The following ADGRG1 variants were observed in gnomAD, a reference collection of about 807,000 sequenced individuals.
ADGRG1 encodes the protein adhesion G protein-coupled receptor G1.
In ADGRG1, 53 loss-of-function variants were observed where a neutral mutation model predicts 73.5. That is an observed-to-expected ratio of 0.72 (90% confidence interval 0.58 to 0.91). ADGRG1 has a LOEUF of 0.91. Among genes scored for constraint, ADGRG1 ranks in the 40% least tolerant of loss-of-function variants. The pLI is 0.00. For synonymous variants in ADGRG1, 394 were observed against 374.4 expected, an observed-to-expected ratio of 1.05 and a Z score of -0.60; for missense variants, 795 against 871.8, an observed-to-expected ratio of 0.91 and a Z score of 1.11.
chr16:57,642,744 C>A, intron 1 of ADGRG1: 2 of 655,186 alleles, frequency 3.1e-6, no homozygotes, highest in Non-Finnish European at 3.8e-6. Context: ...CTCAGAAGAC[C>A]ACAATGGCTA....
Position 57,664,866 on chromosome 16 carries a change from G to A in ADGRG1, c.*1284G>A, listed in dbSNP as rs897924743. ...TGGAAGACTTCCTGCAGGAGTCAGC[G>A]TTCAATCTTGACCTTGAAGATGGGA... On this transcript the variant is annotated 3_prime_UTR_variant, in exon 14 of 14. Coordinates refer to ENST00000562631, the MANE Select transcript of ADGRG1 (RefSeq NM_201525.4). 2 of 154,140 alleles carry A rather than the reference G, an allele frequency of 1.3e-5. No homozygotes were observed. The highest frequency in any genetic ancestry group is 4.8e-5 in the African/African-American group (2 of 41,452). The allele number at this position is 154,140 out of a possible 1,614,324, so 9.5% of individuals were successfully genotyped here.
At chr16:57,621,132 C>A (rs2034719849) in intron 1 of ADGRG1, 1 of 151,986 alleles carries the variant, frequency 6.6e-6, no homozygotes, top group African/African-American at 2.4e-5. Context: ...GCAAATGGCA[C>A]CCCCCACATT....
At chr16:57,634,229 C>T (rs894111314) in intron 1 of ADGRG1, 2 of 985,454 alleles carry the variant, frequency 2.0e-6, no homozygotes, top group Non-Finnish European at 2.4e-6. Flanking sequence ...GGGTGTGGCT[C>T]TGTGGCTGGC....
rs111939130 is a variant in ADGRG1 at position 57,663,501 on chromosome 16, T to C, written c.1983T>C (p.Gly661=). Residue 661 remains glycine, a synonymous_variant, in exon 14 of 14, where the codon GGT becomes GGC. Coordinates refer to ENST00000562631, the MANE Select transcript of ADGRG1 (RefSeq NM_201525.4). ...WYWSMRLQAR[G]GPSPLKSNSD... ...GGTCCATGCGGCTGCAGGCCCGGGG[T>C]GGCCCCTCCCCTCTGAAGAGCAACT... The C allele has an allele frequency of 1.8e-4, 298 of 1,613,572 alleles. 1 individual carries two copies. In the African/African-American group the frequency reaches 3.4e-3, roughly 18 times the overall value.
intron 11 of ADGRG1, 119 bp downstream of exon 11, chr16:57,659,800 C>A: frequency 9.4e-7 from 1 of 1,065,514 alleles, no homozygotes; most frequent in Non-Finnish European, 1.4e-6. Flanking sequence ...GCCTCCTTCA[C>A]TCATCCTCAG....
In ADGRG1 at chr16:57,651,373, T is replaced by C. The variant is rs372630305; in HGVS notation, c.238T>C (p.Ser80Pro). 18 of 1,614,002 alleles carry C rather than the reference T, an allele frequency of 1.1e-5. No individual in the cohort carries two copies. The highest frequency in any genetic ancestry group is 1.4e-5 in the Non-Finnish European group (17 of 1,180,020). Residue 80 changes from serine (S) to proline (P), a missense_variant, in exon 3 of 14, where the codon TCC becomes CCC. Coordinates refer to ENST00000562631, the MANE Select transcript of ADGRG1 (RefSeq NM_201525.4). Reference sequence around the variant, plus strand: ...CCCTGCAGCCCACCCTGCTTCCCGATCCTTCCCTGACCCCAGGGGCCTCTA... The same window carrying C: ...CCCTGCAGCCCACCCTGCTTCCCGACCCTTCCCTGACCCCAGGGGCCTCTA... ...PFPAAHPASR[S>P]FPDPRGLYHF...
At chr16:57,635,636 C>T in intron 1 of ADGRG1, 3 of 984,952 alleles carry the variant, frequency 3.0e-6, no homozygotes, top group Non-Finnish European at 2.4e-6. Flanking sequence ...AAGGTCCAAC[C>T]CCGCCCCTGT....
At chr16:57,643,862 G>C (rs2041502596) in intron 1 of ADGRG1, 2 of 892,406 alleles carry the variant, frequency 2.2e-6, no homozygotes, top group Admixed American at 7.3e-5. Context: ...TTTGCAAGCT[G>C]TTATCCCAGG....
chr16:57,660,593 G>T, intron 11 of ADGRG1, 175 bp from the exon 12 acceptor site: 1 of 914,714 alleles, frequency 1.1e-6, no homozygotes, highest in Non-Finnish European at 1.3e-6. Context: ...ACCCATACTG[G>T]AATGGGGAGG....
Position 57,657,423 on chromosome 16 carries a change from C to G in ADGRG1, c.1218C>G (p.Leu406=). ...TGCACAAGCACTACCTGAGCCTCCTCTCCTACGTGGGCTGTGTCGTCTCTG... is the reference window on the plus strand; with the variant it reads ...TGCACAAGCACTACCTGAGCCTCCTGTCCTACGTGGGCTGTGTCGTCTCTG... ...DAVHKHYLSL[L]SYVGCVVSAL... is the part of the protein sequence containing the mutation. The change falls in exon 10 of 14, where the codon CTC becomes CTG. Residue 406 remains leucine, a synonymous_variant. Transcript: ENST00000562631. The G allele has an allele frequency of 6.2e-7, 1 of 1,614,188 alleles. No homozygotes were observed.
intron 1 of ADGRG1, chr16:57,637,467 C>T (rs1372134537): frequency 2.0e-6 from 2 of 985,218 alleles, no homozygotes; most frequent in Non-Finnish European, 2.4e-6. Flanking sequence ...TCTGTACCTC[C>T]CCCCAGGTCC....
rs116245379 is a variant in ADGRG1, at chr16:57,649,240, A to G, written c.-35-1013A>G. On this transcript the variant is annotated intron_variant, in intron 1 of 13. Coordinates refer to ENST00000562631, the MANE Select transcript of ADGRG1 (RefSeq NM_201525.4). Reference sequence around the variant, plus strand: ...CGCCCTTCCCCTCTGGCTCCTGTAGAGGGCGTCGCGGATGCATTGATCCTT... The same window carrying G: ...CGCCCTTCCCCTCTGGCTCCTGTAGGGGGCGTCGCGGATGCATTGATCCTT... Among the ~76,000 whole-genome samples the G allele has an allele frequency of 4.5e-3, 687 of 152,214 alleles. 2 individuals carry two copies. Among genetic ancestry groups the G allele is most frequent in the African/African-American group, 0.016 (668 of 41,522 alleles).
chr16:57,624,845 A>G (rs752323072), upstream of ADGRG1: 9 of 280,584 alleles, frequency 3.2e-5, no homozygotes, highest in Non-Finnish European at 4.3e-5. Flanking sequence ...TGCCCTGGCC[A>G]ATGCATTGGG....
upstream of ADGRG1, among the ~76,000 whole-genome samples, chr16:57,623,491 C>T (rs1292472345): frequency 1.3e-5 from 2 of 152,200 alleles, no homozygotes; most frequent in Non-Finnish European, 2.9e-5. Context: ...CCTGTGTGCC[C>T]GGCCTTTCAT....
At chr16:57,630,057 T>C in intron 1 of ADGRG1, 2 of 969,236 alleles carry the variant, frequency 2.1e-6, no homozygotes, top group Non-Finnish European at 2.5e-6. Context: ...AAGTTATTTA[T>C]AGAAGCATTT....
At position 57,653,072 on chromosome 16, in the gene ADGRG1, G is replaced by A. The variant is rs1048010540; in HGVS notation, c.488-131G>A. On this transcript the variant is annotated intron_variant, in intron 3 of 13. Transcript: ENST00000562631. ...GGCAGAGTCCACTCTGCTTCTTGAA[G>A]CCTCAGTTTCCCCTTTGTAAAGTAA... 7.7e-6 allele frequency: 12 copies of A among 1,565,808 alleles called. No homozygotes were observed. The East Asian group carries it at 1.6e-4, about 21-fold the overall frequency.
At chr16:57,661,386 T>A in intron 12 of ADGRG1, 2 of 985,288 alleles carry the variant, frequency 2.0e-6, no homozygotes, top group Non-Finnish European at 2.4e-6. Flanking sequence ...CCAGGGTTCC[T>A]GAGCTCCAGC....
At chr16:57,623,661 G>A (rs1485953167), upstream of ADGRG1, 1 of 304,920 alleles carries the variant, frequency 3.3e-6, no homozygotes, top group Non-Finnish European at 4.8e-6. Flanking sequence ...GGCAGTGGGT[G>A]GGGGAGGCGG....
chr16:57,634,252 G>A (rs766277065), intron 1 of ADGRG1: 312 of 985,216 alleles, frequency 3.2e-4, no homozygotes, highest in Middle Eastern at 5.2e-4. Context: ...CCTGGGTCTC[G>A]GACCCTGTGG....
Sources: allele counts gnomAD v4.1 joint callset (sites outside exome capture counted in the v4.1 genomes callset), GRCh38; gene constraint gnomAD v4.1.1; transcripts MANE v1.5; gene names NCBI Gene and HGNC (gene_info 2026-07-23, HGNC 2026-07-21).